FUBP3: variants seen among roughly 807,000 people sequenced by gnomAD.
FUBP3 encodes far upstream element-binding protein 3.
FUBP3 carries 28 observed loss-of-function variants against 85.6 expected under a neutral mutation model. The ratio of observed to expected loss-of-function variants is 0.33; its 90% confidence interval spans 0.24 to 0.45. FUBP3 has a LOEUF of 0.45. Ranked by LOEUF, FUBP3 falls within the 20% of genes least tolerant of loss-of-function variation. FUBP3 has a pLI of 1.00. For missense variants in FUBP3, 583 were observed against 755.1 expected (o/e 0.77, Z 2.67); for synonymous variants, 271 against 271.4 (o/e 1.00, Z 0.01).
intron 3 of FUBP3, among the ~76,000 whole-genome samples, chr9:130,610,447 G>T (rs1446731447): frequency 1.3e-5 from 2 of 152,152 alleles, no homozygotes; most frequent in Non-Finnish European, 2.9e-5. Context: ...CAGAAGCCAG[G>T]GTTCCATCCT....
intron 15 of FUBP3, 59 bp downstream of exon 15, chr9:130,632,081 A>G (rs1156810831): frequency 1.3e-5 from 20 of 1,492,864 alleles, no homozygotes; most frequent in South Asian, 4.5e-5. Context: ...TCACTTGGCT[A>G]TTGCCGACAG....
At chr9:130,615,650 G>A (rs939484990) in intron 6 of FUBP3, among the ~76,000 whole-genome samples, 26 of 152,134 alleles carry the variant, frequency 1.7e-4, no homozygotes, top group African/African-American at 4.1e-4. Context: ...GCCCTCTCCC[G>A]CTGCCCAAGA....
intron 2 of FUBP3, among the ~76,000 whole-genome samples, chr9:130,603,711 G>A (rs1325056058): frequency 3.9e-5 from 6 of 152,106 alleles, no homozygotes; most frequent in Non-Finnish European, 5.9e-5. Context: ...AATATAACTC[G>A]AGCTCATGTA....
At chr9:130,624,520 G>C (rs888792709) in intron 11 of FUBP3, among the ~76,000 whole-genome samples, 4 of 152,026 alleles carry the variant, frequency 2.6e-5, no homozygotes, top group Non-Finnish European at 4.4e-5. Context: ...AATCAAGCTC[G>C]TTCAGCCTGT....
In FUBP3 at chr9:130,627,727, G is replaced by A. The variant is rs746152459; in HGVS notation, c.1117+1222G>A. ...CACTACCCAGGCCGTCAGCCTGACC[G>A]CTGTGAGACTGCAGCTAGTTGATGC... On this transcript the variant is annotated intron_variant, in intron 12 of 18. Transcript: ENST00000319725. 2.6e-5 allele frequency among the ~76,000 whole-genome samples: 4 copies of A among 152,242 alleles called. No individual in the cohort carries two copies. In the East Asian group the frequency reaches 5.8e-4, roughly 22 times the overall value.
At chr9:130,617,244 T>G (rs952997524) in intron 7 of FUBP3, among the ~76,000 whole-genome samples, 4 of 152,236 alleles carry the variant, frequency 2.6e-5, no homozygotes, top group African/African-American at 9.6e-5. Flanking sequence ...GTAAACTTTC[T>G]TTCAGAAAAG....
intron 14 of FUBP3, 55 bp from the exon 15 acceptor site, chr9:130,631,887 G>T: frequency 1.5e-6 from 2 of 1,315,920 alleles, no homozygotes; most frequent in Non-Finnish European, 2.2e-6. Context: ...GCGGGGAGGG[G>T]ACGAGCCCTC....
intron 12 of FUBP3, among the ~76,000 whole-genome samples, chr9:130,628,935 A>T (rs978152167): frequency 1.3e-5 from 2 of 152,020 alleles, no homozygotes; most frequent in Middle Eastern, 3.4e-3. Context: ...ACACCTGGCT[A>T]ATTTTGTATT....
Position 130,616,913 on chromosome 9 carries a change from T to C in FUBP3, c.567+396T>C, listed in dbSNP as rs1832035534. Among the ~76,000 whole-genome samples the C allele has an allele frequency of 6.6e-6, 1 of 152,240 alleles. No homozygotes were observed. Among genetic ancestry groups the C allele is most frequent in the South Asian group, 2.1e-4 (1 of 4,832 alleles). On this transcript the variant is annotated intron_variant, in intron 7 of 18. Transcript: ENST00000319725. This position sits in a 1 kb window ranked among gnomAD's most constrained non-coding sequence, Gnocchi z 4.7. The stretch of plus-strand genomic sequence containing the variant: ...AATGTGCTCATTTACTTTTTGAAGG[T>C]TCAGGGTCTTTGTGTGTCAAAAGGG...
rs1830036555 is a variant in FUBP3, at chr9:130,579,595, C to T, written c.-86C>T. On this transcript the variant is annotated 5_prime_UTR_variant, in exon 1 of 19. Transcript: ENST00000319725. ...GACTTTCCTTTTCCGGCTACGGGTCCCCAAGCGGAGCGGGAGGCCGGACCG... is the reference window on the plus strand; with the variant it reads ...GACTTTCCTTTTCCGGCTACGGGTCTCCAAGCGGAGCGGGAGGCCGGACCG... The T allele has an allele frequency of 1.1e-5, 9 of 845,978 alleles. No homozygotes were observed. Among genetic ancestry groups the T allele is most frequent in the Non-Finnish European group, 9.4e-6 (6 of 638,306 alleles). The allele number at this position is 845,978 out of a possible 1,614,324, so 52.4% of individuals were successfully genotyped here.
intron 1 of FUBP3, among the ~76,000 whole-genome samples, chr9:130,588,520 G>A (rs1268846206): frequency 6.6e-6 from 1 of 152,110 alleles, no homozygotes; most frequent in Non-Finnish European, 1.5e-5. Context: ...TCATTGTTCT[G>A]CAATAAGAGG....
Position 130,620,380 on chromosome 9 carries a change from T to A in FUBP3, c.693T>A (p.Ile231=). ...AAGCAAGAGAAATGGTACTAGAGAT[T>A]ATCCGAGAAAAAGACCAAGCTGACT... The part of the protein sequence containing the change: ...VQQAREMVLE[I]IREKDQADFR... The change falls in exon 9 of 19, where the codon ATT becomes ATA. Residue 231 remains isoleucine (I), a synonymous_variant. Coordinates refer to ENST00000319725, the MANE Select transcript of FUBP3 (RefSeq NM_003934.2). 6.2e-7 allele frequency: 1 copy of A among 1,602,408 alleles called. No individual in the cohort carries two copies. The highest frequency in any genetic ancestry group is 1.7e-4 in the Middle Eastern group (1 of 6,030).
chr9:130,599,917 C>T (rs1436329387), intron 2 of FUBP3, among the ~76,000 whole-genome samples: 1 of 152,126 alleles, frequency 6.6e-6, no homozygotes, highest in African/African-American at 2.4e-5. Flanking sequence ...TCCTGTGCTC[C>T]TCCTGTGTAG....
chr9:130,590,487 G>A (rs1453807822), intron 1 of FUBP3, among the ~76,000 whole-genome samples: 1 of 152,168 alleles, frequency 6.6e-6, no homozygotes, highest in Non-Finnish European at 1.5e-5. Context: ...TAACCCATTT[G>A]CCTCCCCCTG....
In FUBP3 at chr9:130,631,968, G is replaced by A; in HGVS notation, c.1379G>A (p.Cys460Tyr). 3 of 1,613,578 alleles carry A rather than the reference G, an allele frequency of 1.9e-6. No homozygotes were observed. The highest frequency in any genetic ancestry group is 2.5e-6 in the Non-Finnish European group (3 of 1,179,446). The change falls in exon 15 of 19, where the codon TGC becomes TAC. Residue 460 changes from cysteine (C) to tyrosine (Y), a missense_variant. Around this residue, in one of 3 missense-constraint regions of FUBP3, gnomAD observed 404 missense variants for 516.8 expected, o/e 0.78. Coordinates refer to ENST00000319725, the MANE Select transcript of FUBP3 (RefSeq NM_003934.2). Reference sequence around the variant, plus strand: ...ACCTTTCCTCCAAGGAGCTCCGGGTGCTTCCCAAACATGGCTGCCAAGGTG... The same window carrying A: ...ACCTTTCCTCCAAGGAGCTCCGGGTACTTCCCAAACATGGCTGCCAAGGTG... ...QNTFPPRSSG[C>Y]FPNMAAKVNG... is the part of the protein sequence containing the mutation.
At chr9:130,606,449 C>T (rs745505629) in intron 2 of FUBP3, among the ~76,000 whole-genome samples, 54 of 152,328 alleles carry the variant, frequency 3.5e-4, no homozygotes, top group Non-Finnish European at 6.5e-4. Flanking sequence ...GGTGCCAGCC[C>T]GTGCTGGCTG....
chr9:130,592,570 G>A (rs572186683), intron 1 of FUBP3, among the ~76,000 whole-genome samples: 12 of 152,210 alleles, frequency 7.9e-5, no homozygotes, highest in African/African-American at 2.6e-4. Flanking sequence ...TTAAAGAGAT[G>A]GGGTCTCGCT....
chr9:130,615,533 G>A (rs1168794763), intron 6 of FUBP3, among the ~76,000 whole-genome samples: 1 of 151,760 alleles, frequency 6.6e-6, no homozygotes, highest in Non-Finnish European at 1.5e-5. Context: ...GCAATTTAGA[G>A]AATCAATACG....
At chr9:130,590,101 G>A (rs1830560138) in intron 1 of FUBP3, among the ~76,000 whole-genome samples, 1 of 109,542 alleles carries the variant, frequency 9.1e-6, no homozygotes, top group Non-Finnish European at 1.7e-5. Context: ...CCCCTAAAAT[G>A]TTTTTTAAAA....
Sources: gnomAD v4.1 joint callset for allele counts (sites outside exome capture counted in the v4.1 genomes callset) on GRCh38, gnomAD v4.1.1 for gene constraint, gnomAD v4.1.1 regional missense constraint, Gnocchi (gnomAD v3.1) non-coding constraint, MANE v1.5 for transcripts, NCBI Gene and HGNC (gene_info 2026-07-23, HGNC 2026-07-21) for gene names.